The following NAGA variants were observed in gnomAD, a reference collection of about 807,000 sequenced individuals.
The protein encoded by NAGA is Acetylgalactosaminidase, alpha-N- (alpha-galactosidase B).
In NAGA, 42 loss-of-function variants were observed where a neutral mutation model predicts 45.6. The ratio of observed to expected loss-of-function variants is 0.92; its 90% CI spans 0.72 to 1.19. The LOEUF is 1.19. Ranked by LOEUF, NAGA falls within the 50% of genes most tolerant of loss-of-function variation. The pLI is 0.00. For missense variants in NAGA, 493 were observed against 544.8 expected (o/e 0.90, Z 0.95); for synonymous variants, 176 against 203.1 (o/e 0.87, Z 1.13).
chr22:42,061,374 A>G (rs1443646780), intron 7 of NAGA, among the ~76,000 whole-genome samples: 1 of 152,236 alleles, frequency 6.6e-6, no homozygotes, highest in African/African-American at 2.4e-5. Context: ...ACGCAGAAAC[A>G]GGGAAGCGCA....
In NAGA at chr22:42,066,762, G is replaced by T; in HGVS notation, c.545C>A (p.Pro182His). Reference protein sequence around the residue: ...MAAALNATGRPIAFSCSWPAY... With the variant: ...MAAALNATGRHIAFSCSWPAY... ...TGGCCAGCTGCAGGAGAAGGCGATGGGGCGGCCTGTGGCATTCAGGGCAGC... is the reference window on the plus strand; with the variant it reads ...TGGCCAGCTGCAGGAGAAGGCGATGTGGCGGCCTGTGGCATTCAGGGCAGC... The change falls in exon 5 of 9, where the codon CCC becomes CAC. Residue 182 changes from proline to histidine, a missense_variant. Transcript: ENST00000396398. 1.2e-6 allele frequency: 2 copies of T among 1,607,398 alleles called. No individual in the cohort carries two copies. Among genetic ancestry groups the T allele is most frequent in the South Asian group, 1.1e-5 (1 of 89,842 alleles).
chr22:42,070,397 G>A lies in NAGA; in HGVS notation c.-100C>T. 1.4e-6 allele frequency: 2 copies of A among 1,467,188 alleles called. No individual in the cohort carries two copies. Among genetic ancestry groups the A allele is most frequent in the Non-Finnish European group, 1.9e-6 (2 of 1,046,796 alleles). 90.9% of individuals were successfully genotyped at this position (1,467,188 alleles called of 1,614,324 possible). On this transcript the variant is annotated 5_prime_UTR_variant, in exon 1 of 9. Coordinates refer to ENST00000396398, the MANE Select transcript of NAGA (RefSeq NM_000262.3). Reference sequence around the variant, plus strand: ...AGCTAAGAAACGTCTGAAAAGCACTGGGGTCACGGCTGCCTGGCTAGCTCG... The same window carrying A: ...AGCTAAGAAACGTCTGAAAAGCACTAGGGTCACGGCTGCCTGGCTAGCTCG...
In NAGA at chr22:42,070,469, G is replaced by A. The variant is rs1602499774; in HGVS notation, c.-172C>T. 1.4e-6 allele frequency: 1 copy of A among 732,492 alleles called. No homozygotes were observed. Among genetic ancestry groups the A allele is most frequent in the Non-Finnish European group, 2.5e-6 (1 of 405,276 alleles). 45.4% of individuals were successfully genotyped at this position (732,492 alleles called of 1,614,324 possible). On this transcript the variant is annotated 5_prime_UTR_variant, in exon 1 of 9. Transcript: ENST00000396398. ...GGATCGTACACTCGGTCCCCAAGTT[G>A]CCCGCCCCATCCCCAGCCATCACTT...
intron 7 of NAGA, among the ~76,000 whole-genome samples, chr22:42,062,248 T>G (rs1430706059): frequency 6.6e-6 from 1 of 151,916 alleles, no homozygotes; most frequent in Non-Finnish European, 1.5e-5. Flanking sequence ...CTGATACGGG[T>G]GGATCACCTG....
At position 42,060,268 on chromosome 22, in the gene NAGA, G is replaced by C; in HGVS notation, c.*11C>G. ...GTGGTGCCACCACAGCCTGTCACAT[G>C]TCCCAGCTCCTCACTGCTGGGACAT... On this transcript the variant is annotated 3_prime_UTR_variant, in exon 9 of 9. Transcript: ENST00000396398. The C allele has an allele frequency of 6.2e-7, 1 of 1,612,982 alleles. No homozygotes were observed. Among genetic ancestry groups the C allele is most frequent in the Non-Finnish European group, 8.5e-7 (1 of 1,179,974 alleles).
intron 7 of NAGA, among the ~76,000 whole-genome samples, chr22:42,061,683 G>A (rs1358050081): frequency 6.6e-6 from 1 of 152,200 alleles, no homozygotes; most frequent in Non-Finnish European, 1.5e-5. Flanking sequence ...AGTGGCTCAT[G>A]CCTGTAATCC....
At position 42,060,234 on chromosome 22, in the gene NAGA, C is replaced by T; in HGVS notation, c.*45G>A. ...CCTGGGCATGCCAAGGCTCCATGGT[C>T]TAGGCTCAGTGGTGCCACCACAGCC... is the stretch of plus-strand genomic sequence containing the variant. On this transcript the variant is annotated 3_prime_UTR_variant, in exon 9 of 9. Transcript: ENST00000396398. The T allele has an allele frequency of 6.2e-7, 1 of 1,610,462 alleles. No individual in the cohort carries two copies. The highest frequency in any genetic ancestry group is 8.5e-7 in the Non-Finnish European group (1 of 1,179,830).
Position 42,068,467 on chromosome 22 carries a change from A to C in NAGA, c.124T>G (p.Cys42Gly), listed in dbSNP as rs1255952553. ...AWERFRCNIN[C>G]DEDPKNCISE... ...ATGCAGTTCTTTGGGTCCTCATCAC[A>C]GTTAATGTTGCAGCGGAAGCGTTCC... Residue 42 changes from cysteine (C) to glycine (G), a missense_variant, in exon 2 of 9, where the codon TGT (cysteine) becomes GGT (glycine). Cys to Gly is a radical substitution (Grantham distance 159). Coordinates refer to ENST00000396398, the MANE Select transcript of NAGA (RefSeq NM_000262.3). 2.5e-6 allele frequency: 4 copies of C among 1,614,126 alleles called. No homozygotes were observed. In the East Asian group the frequency reaches 8.9e-5, roughly 36 times the overall value.
chr22:42,059,588 C>G lies in NAGA; in HGVS notation c.*691G>C, dbSNP rs779029768. ...CATACCAGGCACAGCAGGGGCAGCTCCTGGGTGTGAGGCAAGTCTGGCATC... is the reference window on the plus strand; with the variant it reads ...CATACCAGGCACAGCAGGGGCAGCTGCTGGGTGTGAGGCAAGTCTGGCATC... On this transcript the variant is annotated 3_prime_UTR_variant, in exon 9 of 9. Coordinates refer to ENST00000396398, the MANE Select transcript of NAGA (RefSeq NM_000262.3). 6.5e-6 allele frequency: 1 copy of G among 153,252 alleles called. No homozygotes were observed. Among genetic ancestry groups the G allele is most frequent in the Non-Finnish European group, 1.5e-5 (1 of 68,868 alleles). 9.5% of individuals were successfully genotyped at this position (153,252 alleles called of 1,614,324 possible).
intron 5 of NAGA, 53 bp downstream of exon 5, chr22:42,066,657 T>G: frequency 1.3e-6 from 2 of 1,505,872 alleles, no homozygotes; most frequent in African/African-American, 1.4e-5. Context: ...ACTCAGGAGG[T>G]AAGGAGGCCT....
At position 42,068,481 on chromosome 22, in the gene NAGA, C is replaced by T. The variant is rs199834981; in HGVS notation, c.110G>A (p.Arg37His). 1.7e-4 allele frequency: 280 copies of T among 1,614,032 alleles called. 1 individual carries two copies. The highest frequency in any genetic ancestry group is 2.2e-4 in the Non-Finnish European group (257 of 1,180,028). ...PMGWLAWERF[R>H]CNINCDEDPK... ...GTCCTCATCACAGTTAATGTTGCAG[C>T]GGAAGCGTTCCCAGGCCAGCCAGCC... The change falls in exon 2 of 9, where the codon CGC becomes CAC. Residue 37 changes from arginine (R) to histidine (H), a missense_variant. Physicochemically the swap from Arg to His is conservative, Grantham distance 29 (BLOSUM62 0). Transcript: ENST00000396398.
Position 42,062,852 on chromosome 22 carries a change from C to A in NAGA, c.932G>T (p.Gly311Val), listed in dbSNP as rs561177823. The part of the protein sequence containing the change: ...LMIKINQDPL[G>V]IQGRRIHKEK... The stretch of plus-strand genomic sequence containing the variant: ...CTTGTGAATCCTGCGTCCCTGGATG[C>A]CTAAGGGATCCTGGTTGATTTTGAT... Residue 311 changes from glycine to valine, a missense_variant, in exon 7 of 9, where the codon GGC becomes GTC. Transcript: ENST00000396398. 6.2e-7 allele frequency: 1 copy of A among 1,614,140 alleles called. No individual in the cohort carries two copies. The highest frequency in any genetic ancestry group is 8.5e-7 in the Non-Finnish European group (1 of 1,180,000).
Position 42,067,747 on chromosome 22 carries a change from G to A in NAGA, c.324+18C>T. 1.2e-6 allele frequency: 2 copies of A among 1,610,310 alleles called. No individual in the cohort carries two copies. Among genetic ancestry groups the A allele is most frequent in the Non-Finnish European group, 1.7e-6 (2 of 1,179,252 alleles). ...GGTCTAGCCCTGAGGCCAAGGGCAG[G>A]GCTGGGGTGCGGCTCACGTAGTCAG... On this transcript the variant is annotated intron_variant, in intron 3 of 8. Coordinates refer to ENST00000396398, the MANE Select transcript of NAGA (RefSeq NM_000262.3).
rs1263696134 is a variant in NAGA, at chr22:42,061,056, G to C, written c.969C>G (p.Leu323=). The change falls in exon 8 of 9, where the codon CTC becomes CTG. Residue 323 remains leucine (L), a synonymous_variant. Coordinates refer to ENST00000396398, the MANE Select transcript of NAGA (RefSeq NM_000262.3). ...QGRRIHKEKS[L]IEVYMRPLSN... is the part of the protein sequence containing the mutation. ...ACAGAGGCCGCATGTACACTTCGAT[G>C]AGAGATTTTTCCTGGGCACAGAAGG... 5 of 1,614,032 alleles carry C rather than the reference G, an allele frequency of 3.1e-6. No homozygotes were observed. Among genetic ancestry groups the C allele is most frequent in the Non-Finnish European group, 4.2e-6 (5 of 1,180,024 alleles).
chr22:42,068,679 C>T (rs1926888496), intron 1 of NAGA, 105 bp from the exon 2 acceptor site: 2 of 1,475,712 alleles, frequency 1.4e-6, no homozygotes, highest in Non-Finnish European at 9.2e-7. Flanking sequence ...AGGCTGCCTG[C>T]CTATATATAA....
intron 8 of NAGA, 94 bp downstream of exon 8, chr22:42,060,830 C>T (rs1556311780): frequency 6.4e-7 from 1 of 1,555,416 alleles, no homozygotes. Context: ...GCCCACGGCT[C>T]AGGGGAGGCC....
In NAGA at chr22:42,059,853, C is replaced by G. The variant is rs1926255439; in HGVS notation, c.*426G>C. On this transcript the variant is annotated 3_prime_UTR_variant, in exon 9 of 9. Coordinates refer to ENST00000396398, the MANE Select transcript of NAGA (RefSeq NM_000262.3). ...CCAGGTGGTATCAGGCTGCAAGGCC[C>G]TCTATGGGTAGAAAAGCCAATCACA... 4.1e-6 allele frequency: 1 copy of G among 241,308 alleles called. No homozygotes were observed. Among genetic ancestry groups the G allele is most frequent in the Non-Finnish European group, 8.4e-6 (1 of 118,562 alleles). 14.9% of individuals were successfully genotyped at this position (241,308 alleles called of 1,614,324 possible). A position where few individuals can be genotyped will look rare whatever the true frequency, so the allele number is the denominator to read the frequency against.
intron 8 of NAGA, 54 bp downstream of exon 8, chr22:42,060,870 C>T: frequency 6.2e-7 from 1 of 1,612,264 alleles, no homozygotes; most frequent in East Asian, 2.2e-5. Flanking sequence ...CCATAATACC[C>T]TCCCACAGAA....
In NAGA at chr22:42,059,177, A is replaced by AG. The variant is rs2146832470; in HGVS notation, c.*1101dup. The AG allele has an allele frequency of 6.6e-6, 1 of 152,316 alleles. No homozygotes were observed. The highest frequency in any genetic ancestry group is 1.9e-4 in the East Asian group (1 of 5,174). The allele number at this position is 152,316 out of a possible 1,614,324, so 9.4% of individuals were successfully genotyped here. A position where few individuals can be genotyped will look rare whatever the true frequency, so the allele number is the denominator to read the frequency against. On this transcript the variant is annotated 3_prime_UTR_variant, in exon 9 of 9. Transcript: ENST00000396398. ...TTGCTCTGCCACTAGCTCTCTCCAA[A>AG]GGGGAGAGCCACCAGGGAAGACAAG...
Sources: gnomAD v4.1 joint callset for allele counts (sites outside exome capture counted in the v4.1 genomes callset) on GRCh38, gnomAD v4.1.1 for gene constraint, MANE v1.5 for transcripts, NCBI Gene and HGNC (gene_info 2026-07-23, HGNC 2026-07-21) for gene names.